Variants in METTL24 observed in about 807,000 individuals in gnomAD.
METTL24 encodes methyltransferase like 24.
In METTL24, 29 loss-of-function variants were observed where a neutral mutation model predicts 32.7. That is an observed-to-expected ratio of 0.89 (90% CI 0.66 to 1.21). The LOEUF is 1.21. METTL24 is among the 50% of genes most tolerant of loss of function. METTL24 has a pLI of 0.00. For synonymous variants in METTL24, 163 were observed against 179.5 expected (o/e 0.91, Z 0.73); for missense variants, 439 against 468.1 (o/e 0.94, Z 0.57).
At chr6:110,332,507 G>T in intron 1 of METTL24, 1 of 982,732 alleles carries the variant, frequency 1.0e-6, no homozygotes, top group Non-Finnish European at 1.2e-6. Context: ...CACAGTGTCT[G>T]CATACGTAGT....
chr6:110,298,381 G>A (rs1472630252), intron 4 of METTL24, among the ~76,000 whole-genome samples: 1 of 152,056 alleles, frequency 6.6e-6, no homozygotes, highest in Non-Finnish European at 1.5e-5. Context: ...ACATCCTTTG[G>A]TATAATTATA....
chr6:110,333,800 T>C (rs1772155675), intron 1 of METTL24, among the ~76,000 whole-genome samples: 1 of 152,246 alleles, frequency 6.6e-6, no homozygotes, highest in Non-Finnish European at 1.5e-5. Flanking sequence ...TGAGTTGATT[T>C]AATTTTATAA....
chr6:110,260,120 A>G (rs1488406344), intron 4 of METTL24, among the ~76,000 whole-genome samples: 1 of 152,210 alleles, frequency 6.6e-6, no homozygotes, highest in Admixed American at 6.5e-5. Flanking sequence ...ACGGAGAATG[A>G]CTTTGACGAG....
intron 1 of METTL24, among the ~76,000 whole-genome samples, chr6:110,353,519 T>C (rs892789423): frequency 6.6e-5 from 10 of 151,606 alleles, no homozygotes; most frequent in Middle Eastern, 7.0e-3. Flanking sequence ...TTTTGCCATA[T>C]GGTTTTTCAG....
intron 4 of METTL24, among the ~76,000 whole-genome samples, chr6:110,268,917 T>G (rs150649290): frequency 1.0e-3 from 158 of 152,286 alleles, no homozygotes; most frequent in African/African-American, 3.6e-3. Context: ...CAAAAATGGA[T>G]TATGCTATTC....
Position 110,315,348 on chromosome 6 carries a change from G to A in METTL24, c.551C>T (p.Ser184Phe), listed in dbSNP as rs377764859. 6.2e-7 allele frequency: 1 copy of A among 1,614,182 alleles called. No homozygotes were observed. The highest frequency in any genetic ancestry group is 1.7e-5 in the Admixed American group (1 of 60,024). The stretch of plus-strand genomic sequence containing the variant: ...TGTAAAAAAATGTACTCACCCTAAG[G>A]AGTAGAGGCGGCACTGCTTGTTGCG... ...QIRNKQCRLY[S>F]LGLGSDDTHF... The change falls in exon 3 of 5, where the codon TCC becomes TTC. Residue 184 changes from serine to phenylalanine, a missense_variant. Physicochemically the swap from Ser to Phe is radical, Grantham distance 155. Coordinates refer to ENST00000338882, the MANE Select transcript of METTL24 (RefSeq NM_001123364.3).
chr6:110,295,418 G>T lies in METTL24; in HGVS notation c.786+3504C>A, dbSNP rs145993492. 4.1e-4 allele frequency among the ~76,000 whole-genome samples: 62 copies of T among 152,300 alleles called. No homozygotes were observed. In the East Asian group the frequency reaches 0.012, roughly 29 times the overall value. The stretch of plus-strand genomic sequence containing the variant: ...AAGTGGACACTGAGCCTTGGCCTGG[G>T]TGGTGACAAGGGCAGGTGAAGGAAG... On this transcript the variant is annotated intron_variant, in intron 4 of 4. Coordinates refer to ENST00000338882, the MANE Select transcript of METTL24 (RefSeq NM_001123364.3).
At chr6:110,304,220 G>A (rs140884408) in intron 3 of METTL24, among the ~76,000 whole-genome samples, 5,164 of 152,168 alleles carry the variant, frequency 0.034, 193 homozygotes, top group East Asian at 0.12. Flanking sequence ...AAAAACCAGC[G>A]CAAAAAGGCT....
chr6:110,299,003 G>A lies in METTL24; in HGVS notation c.705C>T (p.Pro235=), dbSNP rs752839968. 1.9e-6 allele frequency: 3 copies of A among 1,614,142 alleles called. No homozygotes were observed. In the South Asian group the frequency reaches 3.3e-5, roughly 18 times the overall value. The change falls in exon 4 of 5, where the codon CCC becomes CCT. Residue 235 remains proline, a synonymous_variant. Transcript: ENST00000338882. ...YHRLSIDWRD[P]HPAVAAQKPH... is the part of the protein sequence containing the mutation. ...GTTTTTGGGCAGCAACAGCTGGATG[G>A]GGATCCCGCCAGTCAATGGACAAGC... is the stretch of plus-strand genomic sequence containing the variant.
chr6:110,311,478 T>C (rs1004750484), intron 3 of METTL24, among the ~76,000 whole-genome samples: 2 of 138,186 alleles, frequency 1.4e-5, no homozygotes, highest in African/African-American at 2.7e-5. Context: ...GTTTTTTTTT[T>C]TTTTTTTTTT....
chr6:110,274,802 C>CTTTTTTTTTTTTT (rs1196371607), intron 4 of METTL24, among the ~76,000 whole-genome samples: 1 of 90,130 alleles, frequency 1.1e-5, no homozygotes, highest in African/African-American at 4.2e-5. Flanking sequence ...TTCGTTCTTT[C>CTTTTTTTTTTTTT]TTTTTTTTTT....
intron 4 of METTL24, among the ~76,000 whole-genome samples, chr6:110,246,833 C>T (rs909187929): frequency 1.3e-5 from 2 of 152,036 alleles, no homozygotes; most frequent in Non-Finnish European, 2.9e-5. Context: ...CCAACCCCAA[C>T]TTCATCGAGA....
chr6:110,275,055 TCC>T (rs1771024265), intron 4 of METTL24, among the ~76,000 whole-genome samples: 1 of 151,726 alleles, frequency 6.6e-6, no homozygotes, highest in African/African-American at 2.4e-5. Flanking sequence ...CACCTCAGCC[TCC>T]CAAAGTGCCA....
At chr6:110,275,804 T>C (rs141128492) in intron 4 of METTL24, among the ~76,000 whole-genome samples, 2 of 152,204 alleles carry the variant, frequency 1.3e-5, no homozygotes, top group Non-Finnish European at 2.9e-5. Flanking sequence ...ATGAACTAGA[T>C]AGTAGTTAAT....
intron 3 of METTL24, 27 bp downstream of exon 3, chr6:110,315,315 T>A: frequency 6.2e-7 from 1 of 1,613,238 alleles, no homozygotes. Flanking sequence ...GTTTGTGTTT[T>A]CTTCTGCTGT....
At chr6:110,352,972 C>T (rs1198718638) in intron 1 of METTL24, among the ~76,000 whole-genome samples, 1 of 152,168 alleles carries the variant, frequency 6.6e-6, no homozygotes. Context: ...AAATTACACA[C>T]AAAAAGCTGA....
At chr6:110,350,767 T>TAAAATAAAAG (rs1772582097) in intron 1 of METTL24, among the ~76,000 whole-genome samples, 1 of 44,294 alleles carries the variant, frequency 2.3e-5, no homozygotes, top group Non-Finnish European at 6.0e-5. Context: ...CTCAACAAAA[T>TAAAATAAAAG]AAAATAAAAT....
chr6:110,269,641 T>G (rs1770918593), intron 4 of METTL24, among the ~76,000 whole-genome samples: 1 of 152,158 alleles, frequency 6.6e-6, no homozygotes, highest in African/African-American at 2.4e-5. Flanking sequence ...GGAAGAAGTT[T>G]TTTTGTTTGT....
intron 1 of METTL24, among the ~76,000 whole-genome samples, chr6:110,323,215 C>T (rs954007953): frequency 1.3e-5 from 2 of 152,212 alleles, no homozygotes; most frequent in Non-Finnish European, 2.9e-5. Flanking sequence ...TGAGGCTGTG[C>T]TCCTCCGGGA....
Sources: allele counts gnomAD v4.1 joint callset (sites outside exome capture counted in the v4.1 genomes callset), GRCh38; gene constraint gnomAD v4.1.1; transcripts MANE v1.5; gene names NCBI Gene and HGNC (gene_info 2026-07-23, HGNC 2026-07-21).